The following SQOR variants were observed in gnomAD, a reference collection of about 807,000 sequenced individuals.
The protein encoded by SQOR is sulfide:quinone oxidoreductase, mitochondrial.
Under a neutral mutation model 48.6 loss-of-function variants are expected in SQOR, and 39 were observed. That is an observed-to-expected ratio of 0.80 (90% confidence interval 0.62 to 1.05). The LOEUF (loss-of-function observed/expected upper bound fraction) is 1.05, where lower values mean the gene tolerates loss of function less well. SQOR is among the 50% of genes least tolerant of loss of function. The pLI, the probability that SQOR is intolerant of heterozygous loss-of-function variation, is 0.00. For missense variants in SQOR, 561 were observed against 559.9 expected (o/e 1.00, Z -0.02); for synonymous variants, 220 against 206.2 (o/e 1.07, Z -0.57).
chr15:45,660,398 C>G (rs1889698051), intron 2 of SQOR, among the ~76,000 whole-genome samples: 3 of 152,196 alleles, frequency 2.0e-5, no homozygotes, highest in Admixed American at 2.0e-4. Context: ...TGACAGTGGT[C>G]TGAGAGCTGT....
At chr15:45,662,229 A>C in intron 3 of SQOR, 104 bp downstream of exon 3, 8 of 1,192,026 alleles carry the variant, frequency 6.7e-6, no homozygotes, top group Non-Finnish European at 8.4e-6. Flanking sequence ...GTATATATGC[A>C]TGTGTGTGCA....
chr15:45,658,916 G>C lies in SQOR; in HGVS notation c.-8G>C. 1 of 1,541,906 alleles carries C rather than the reference G, an allele frequency of 6.5e-7. No individual in the cohort carries two copies. Among genetic ancestry groups the C allele is most frequent in the South Asian group, 1.2e-5 (1 of 82,332 alleles). ...GTCTCTTCCCTTCCAGCCTGATCCT[G>C]CCTGAAGATGGTGCCACTGGTGGCT... On this transcript the variant is annotated 5_prime_UTR_variant, in exon 2 of 10. Coordinates refer to ENST00000260324, the MANE Select transcript of SQOR (RefSeq NM_021199.4).
chr15:45,688,950 G>A, intron 8 of SQOR, 89 bp from the exon 9 acceptor site: 4 of 1,021,958 alleles, frequency 3.9e-6, no homozygotes, highest in Non-Finnish European at 4.2e-6. Flanking sequence ...AAATATATAA[G>A]CACTCACAGC....
intron 7 of SQOR, among the ~76,000 whole-genome samples, chr15:45,684,370 T>A (rs915079457): frequency 1.3e-5 from 2 of 152,218 alleles, no homozygotes; most frequent in East Asian, 3.8e-4. Context: ...TTTACTTTCA[T>A]GACATTGACA....
At chr15:45,650,254 T>C (rs1889450464) in intron 1 of SQOR, among the ~76,000 whole-genome samples, 1 of 152,234 alleles carries the variant, frequency 6.6e-6, no homozygotes, top group Admixed American at 6.5e-5. Flanking sequence ...GTCCTCCTAC[T>C]GTGTCCGGAA....
At chr15:45,669,778 G>A in intron 3 of SQOR, 150 bp from the exon 4 acceptor site, 1 of 692,534 alleles carries the variant, frequency 1.4e-6, no homozygotes, top group Non-Finnish European at 2.5e-6. Flanking sequence ...TCCCAACCTT[G>A]TTCTGCTTCG....
At chr15:45,668,391 T>C (rs1301593388) in intron 3 of SQOR, among the ~76,000 whole-genome samples, 2 of 152,246 alleles carry the variant, frequency 1.3e-5, no homozygotes, top group Non-Finnish European at 2.9e-5. Flanking sequence ...CTCACTTTAA[T>C]TTAGTGACTG....
At chr15:45,678,845 A>G (rs1049338833) in intron 6 of SQOR, among the ~76,000 whole-genome samples, 1 of 152,160 alleles carries the variant, frequency 6.6e-6, no homozygotes, top group African/African-American at 2.4e-5. Flanking sequence ...GCTGCTCCTC[A>G]AATGGCCTCA....
At chr15:45,679,994 G>A (rs2733251) in intron 6 of SQOR, among the ~76,000 whole-genome samples, 149,049 of 152,366 alleles carry the variant, frequency 0.98, 72,927 homozygotes, top group East Asian at 1. Flanking sequence ...AATGAAGGAG[G>A]ACCAAGTTAT....
intron 3 of SQOR, among the ~76,000 whole-genome samples, chr15:45,667,738 C>T (rs1889858806): frequency 6.6e-6 from 1 of 151,952 alleles, no homozygotes; most frequent in African/African-American, 2.4e-5. Flanking sequence ...TTGGTGGTGG[C>T]CTGCACAAAC....
intron 1 of SQOR, among the ~76,000 whole-genome samples, chr15:45,658,604 A>T (rs1369462973): frequency 6.6e-6 from 1 of 152,172 alleles, no homozygotes; most frequent in Non-Finnish European, 1.5e-5. Flanking sequence ...ATGGACAAGG[A>T]TGGGTACAGA....
At chr15:45,676,388 C>T (rs1890037762) in intron 6 of SQOR, 78 bp downstream of exon 6, 2 of 1,339,430 alleles carry the variant, frequency 1.5e-6, no homozygotes, top group Non-Finnish European at 2.1e-6. Flanking sequence ...GCTCACACCA[C>T]CCTATCTGCC....
chr15:45,682,385 C>T, intron 6 of SQOR, 93 bp from the exon 7 acceptor site: 1 of 1,338,924 alleles, frequency 7.5e-7, no homozygotes, highest in Non-Finnish European at 1.0e-6. Context: ...GCAGCCATAG[C>T]ACAGTGTATA....
chr15:45,658,749 C>A (rs1331273702), intron 1 of SQOR, among the ~76,000 whole-genome samples, 158 bp from the exon 2 acceptor site: 1 of 152,180 alleles, frequency 6.6e-6, no homozygotes, highest in Non-Finnish European at 1.5e-5. Context: ...TCTCAGGAGA[C>A]CTTGGGACCA....
At chr15:45,662,969 C>A (rs542413882) in intron 3 of SQOR, among the ~76,000 whole-genome samples, 4 of 152,280 alleles carry the variant, frequency 2.6e-5, no homozygotes, top group African/African-American at 9.6e-5. Context: ...GGGTGAGGAT[C>A]CTAAAACGTT....
At chr15:45,679,957 C>T (rs1243303675) in intron 6 of SQOR, among the ~76,000 whole-genome samples, 1 of 152,172 alleles carries the variant, frequency 6.6e-6, no homozygotes, top group Non-Finnish European at 1.5e-5. Context: ...GTTTGAAAAC[C>T]ACCACACTGA....
At chr15:45,634,627 G>T (rs1894962907), upstream of SQOR, 1 of 152,342 alleles carries the variant, frequency 6.6e-6, no homozygotes, top group Admixed American at 6.5e-5. Flanking sequence ...CCGGTGAGAA[G>T]CCCAGGGCAC....
At chr15:45,661,290 T>TAAA (rs34286267) in intron 2 of SQOR, among the ~76,000 whole-genome samples, 69 of 67,456 alleles carry the variant, frequency 1.0e-3, no homozygotes, top group East Asian at 2.7e-3. Flanking sequence ...GACTCTGTCT[T>TAAA]AAAAAAAAAA....
chr15:45,644,434 G>T (rs55913172), intron 1 of SQOR, among the ~76,000 whole-genome samples: 15,162 of 152,170 alleles, frequency 0.1, 826 homozygotes, highest in Middle Eastern at 0.25. Context: ...AGAAGAAGCC[G>T]AGCAAAAATG....
Sources: gnomAD v4.1 joint callset for allele counts (sites outside exome capture counted in the v4.1 genomes callset) on GRCh38, gnomAD v4.1.1 for gene constraint, MANE v1.5 for transcripts, NCBI Gene and HGNC (gene_info 2026-07-23, HGNC 2026-07-21) for gene names.